The following JADE1 variants were observed in gnomAD, a reference collection of about 807,000 sequenced individuals.
JADE1 encodes the protein protein Jade-1.
A neutral mutation model predicts 81.8 loss-of-function variants in JADE1; 14 were observed. That is an observed-to-expected ratio of 0.17 (90% CI 0.11 to 0.27). JADE1 has a LOEUF of 0.27. JADE1 is among the 10% of genes least tolerant of loss of function. The pLI is 1.00. For missense variants in JADE1, 690 were observed against 1,047.9 expected, an observed-to-expected ratio of 0.66 and a Z score of 4.71; for synonymous variants, 353 against 391.9, an observed-to-expected ratio of 0.90 and a Z score of 1.17.
intron 2 of JADE1, among the ~76,000 whole-genome samples, chr4:128,840,206 T>C (rs1217324872): frequency 6.6e-6 from 1 of 152,208 alleles, no homozygotes; most frequent in Non-Finnish European, 1.5e-5. Context: ...CCAGCAAAGC[T>C]GCAAGCTTCC....
chr4:128,849,493 A>G (rs1730158849), intron 5 of JADE1, among the ~76,000 whole-genome samples: 1 of 152,116 alleles, frequency 6.6e-6, no homozygotes, highest in Non-Finnish European at 1.5e-5. Flanking sequence ...GCCCACAGTT[A>G]CCTGCTCTAG....
At chr4:128,814,168 G>GAA (rs1726774698) in intron 1 of JADE1, among the ~76,000 whole-genome samples, 1 of 152,182 alleles carries the variant, frequency 6.6e-6, no homozygotes, top group South Asian at 2.1e-4. Flanking sequence ...GGACAGCAAT[G>GAA]AAAAGTATGT....
intron 3 of JADE1, among the ~76,000 whole-genome samples, 200 bp downstream of exon 3, chr4:128,843,238 A>G (rs531674517): frequency 1.3e-5 from 2 of 152,372 alleles, no homozygotes; most frequent in South Asian, 2.1e-4. Flanking sequence ...CACATAGACT[A>G]ATACATGCAA....
chr4:128,826,139 G>A (rs148399035), intron 1 of JADE1, among the ~76,000 whole-genome samples: 1 of 152,334 alleles, frequency 6.6e-6, no homozygotes, highest in Non-Finnish European at 1.5e-5. Context: ...GGACACTCCA[G>A]GCTCCGATAA....
intron 1 of JADE1, among the ~76,000 whole-genome samples, chr4:128,829,065 A>AC (rs1225774526): frequency 6.6e-6 from 1 of 152,022 alleles, no homozygotes; most frequent in Non-Finnish European, 1.5e-5. Context: ...TCCTGAGGGG[A>AC]CCCAGAGGTG....
chr4:128,826,161 T>A (rs535364866), intron 1 of JADE1, among the ~76,000 whole-genome samples: 2 of 152,324 alleles, frequency 1.3e-5, no homozygotes, highest in South Asian at 4.1e-4. Context: ...CTGGATAACT[T>A]TGCATCAGTT....
chr4:128,824,767 A>G (rs930755633), intron 1 of JADE1, among the ~76,000 whole-genome samples: 2 of 152,210 alleles, frequency 1.3e-5, no homozygotes, highest in Non-Finnish European at 2.9e-5. Context: ...ACCTTCTAGA[A>G]CTTCTTGAGT....
rs376487751 is a variant in JADE1, at chr4:128,872,184, A to C, written c.2451A>C (p.Ser817=). The change falls in exon 11 of 11, where the codon TCA becomes TCC. Residue 817 remains serine, a synonymous_variant. Transcript: ENST00000226319. Reference sequence around the variant, plus strand: ...TGAGTGACTCAGAGAGTGAGGCATCAGAAAAGAAATGTATACACACCAGCA... The same window carrying C: ...TGAGTGACTCAGAGAGTGAGGCATCCGAAAAGAAATGTATACACACCAGCA... ...VEMSDSESEA[S]EKKCIHTSST... is the part of the protein sequence containing the mutation. 1.5e-5 allele frequency: 24 copies of C among 1,614,196 alleles called. No individual in the cohort carries two copies. In the African/African-American group the frequency reaches 1.7e-4, roughly 12 times the overall value.
At chr4:128,814,353 T>C (rs1236515031) in intron 1 of JADE1, among the ~76,000 whole-genome samples, 2 of 152,216 alleles carry the variant, frequency 1.3e-5, no homozygotes, top group Non-Finnish European at 2.9e-5. Context: ...GTGACCGATA[T>C]TAATTTTTGA....
In JADE1 at chr4:128,831,788, T is replaced by G; in HGVS notation, c.30T>G (p.Ser10Arg). MKRGRLPSS[S>R]EDSDDNGSLS... ...AACGAGGTCGCCTTCCCAGCAGCAG[T>G]GAGGATTCTGACGACAATGGCAGTA... is the stretch of plus-strand genomic sequence containing the variant. The change falls in exon 2 of 11, where the codon AGT becomes AGG. Residue 10 changes from serine to arginine, a missense_variant. Coordinates refer to ENST00000226319, the MANE Select transcript of JADE1 (RefSeq NM_199320.4). 2 of 1,614,132 alleles carry G rather than the reference T, an allele frequency of 1.2e-6. No homozygotes were observed. Among genetic ancestry groups the G allele is most frequent in the Admixed American group, 3.3e-5 (2 of 60,024 alleles).
chr4:128,862,903 T>G, intron 9 of JADE1: 2 of 987,582 alleles, frequency 2.0e-6, no homozygotes, highest in Non-Finnish European at 2.4e-6. Context: ...GCTGTGTGTG[T>G]GTGTGTGTGT....
At chr4:128,851,053 C>G (rs1318395626) in intron 5 of JADE1, among the ~76,000 whole-genome samples, 1 of 152,146 alleles carries the variant, frequency 6.6e-6, no homozygotes. Flanking sequence ...GCCCCAGCCT[C>G]CCAAGTAGCT....
chr4:128,847,190 C>T (rs1047809451), intron 4 of JADE1, among the ~76,000 whole-genome samples: 1 of 152,228 alleles, frequency 6.6e-6, no homozygotes, highest in African/African-American at 2.4e-5. Context: ...CTGTGCCACT[C>T]TGTGCCACCT....
At chr4:128,837,245 A>G (rs927568993) in intron 2 of JADE1, among the ~76,000 whole-genome samples, 2 of 152,184 alleles carry the variant, frequency 1.3e-5, no homozygotes, top group Admixed American at 1.3e-4. Flanking sequence ...ACCTGTGATA[A>G]GGAATGGGCA....
At chr4:128,850,628 A>C (rs1015647051) in intron 5 of JADE1, among the ~76,000 whole-genome samples, 6 of 152,220 alleles carry the variant, frequency 3.9e-5, no homozygotes, top group Non-Finnish European at 8.8e-5. Context: ...TGAGTTCAGG[A>C]GTTCTCAGAG....
intron 8 of JADE1, among the ~76,000 whole-genome samples, chr4:128,859,286 ATG>A: frequency 6.7e-6 from 1 of 148,214 alleles, no homozygotes; most frequent in African/African-American, 2.5e-5. Context: ...GCATGTGGTT[ATG>A]TGTATGTGTG....
At chr4:128,852,421 A>G (rs1032967155) in intron 6 of JADE1, among the ~76,000 whole-genome samples, 153 bp downstream of exon 6, 1 of 152,176 alleles carries the variant, frequency 6.6e-6, no homozygotes, top group Non-Finnish European at 1.5e-5. Context: ...ATTTTTCCCT[A>G]GTAGGTTCTT....
At position 128,814,852 on chromosome 4, in the gene JADE1, C is replaced by T. The variant is rs111360212; in HGVS notation, c.-27+4975C>T. ...TGCTGGGATTACAGGCGTGAGCCAC[C>T]GCACCCAGCTCTGAGGACCTTTTTT... On this transcript the variant is annotated intron_variant, in intron 1 of 10. Coordinates refer to ENST00000226319, the MANE Select transcript of JADE1 (RefSeq NM_199320.4). Among the ~76,000 whole-genome samples the T allele has an allele frequency of 1.2e-3, 188 of 151,972 alleles. 3 individuals are homozygous for T. The highest frequency in any genetic ancestry group is 4.2e-3 in the African/African-American group (176 of 41,470).
intron 4 of JADE1, among the ~76,000 whole-genome samples, chr4:128,848,421 C>T (rs780006706): frequency 2.0e-5 from 3 of 152,156 alleles, no homozygotes; most frequent in Admixed American, 6.5e-5. Context: ...TCAAATGATC[C>T]GCCTGCCTCG....
Sources: allele counts gnomAD v4.1 joint callset (sites outside exome capture counted in the v4.1 genomes callset), GRCh38; gene constraint gnomAD v4.1.1; transcripts MANE v1.5; gene names NCBI Gene and HGNC (gene_info 2026-07-23, HGNC 2026-07-21).